PUDP: variants seen among roughly 807,000 people sequenced by gnomAD.
The protein encoded by PUDP is pseudouridine-5'-phosphatase.
In PUDP, 8 loss-of-function variants were observed where a neutral mutation model predicts 9.4. That is an observed-to-expected ratio of 0.85 (90% CI 0.50 to 1.53). The LOEUF (loss-of-function observed/expected upper bound fraction) is 1.53. Among genes scored for constraint, PUDP ranks in the 40% most tolerant of loss-of-function variants. The pLI, the probability that PUDP is intolerant of heterozygous loss-of-function variation, is 0.00. For synonymous variants in PUDP, 99 were observed against 80.7 expected (o/e 1.23, Z -1.22); for missense variants, 188 against 189.7 (o/e 0.99, Z 0.05).
intron 1 of PUDP, among the ~76,000 whole-genome samples, chrX:6,717,297 T>C (rs373822127): frequency 6.3e-5 from 7 of 111,422 alleles, no homozygotes; most frequent in African/African-American, 2.0e-4. Context: ...CGATTGCCCC[T>C]TTATGCACAG....
rs185586856 is a variant in PUDP, at chrX:6,868,960, C to T, written c.*247+108173G>A. 5.4e-5 allele frequency among the ~76,000 whole-genome samples: 6 copies of T among 112,000 alleles called. No individual in the cohort carries two copies. In the Admixed American group the frequency reaches 5.7e-4, roughly 11 times the overall value. On this transcript the variant is annotated intron_variant and NMD_transcript_variant, in intron 3 of 3. Transcript: ENST00000655425. ...CTAATTTCCTGGCAAAGTATTAATT[C>T]CAAACCCAGAGAAGAAGAATTACTA...
intron 3 of PUDP, among the ~76,000 whole-genome samples, chrX:6,905,943 T>C (rs1927760263): frequency 8.9e-6 from 1 of 112,228 alleles, no homozygotes. Context: ...CATTGGAAAT[T>C]TTCCCTCTGG....
chrX:6,892,573 C>A (rs917172952), intron 3 of PUDP, among the ~76,000 whole-genome samples: 6 of 110,764 alleles, frequency 5.4e-5, no homozygotes, highest in Non-Finnish European at 1.1e-4. Flanking sequence ...GATTCAGTTA[C>A]CTCCCACCAG....
At chrX:6,907,847 G>A (rs1422449481) in intron 3 of PUDP, among the ~76,000 whole-genome samples, 1 of 111,713 alleles carries the variant, frequency 9.0e-6, no homozygotes, top group Admixed American at 9.4e-5. Flanking sequence ...AAAGGCAAAG[G>A]GGGCAACATA....
intron 3 of PUDP, among the ~76,000 whole-genome samples, chrX:6,895,968 T>C (rs1032555647): frequency 9.0e-6 from 1 of 110,836 alleles, no homozygotes; most frequent in Non-Finnish European, 1.9e-5. Flanking sequence ...TCCATGAGGC[T>C]CCACTTTCAT....
intron 3 of PUDP, among the ~76,000 whole-genome samples, chrX:6,810,627 C>T (rs944028995): frequency 4.5e-5 from 5 of 111,863 alleles, no homozygotes; most frequent in African/African-American, 1.6e-4. Flanking sequence ...TAGAGGGCAA[C>T]ACCATCTACA....
chrX:6,930,498 T>G (rs189563163), intron 3 of PUDP, among the ~76,000 whole-genome samples: 10 of 111,623 alleles, frequency 9.0e-5, no homozygotes, highest in Non-Finnish European at 1.9e-4. Flanking sequence ...GGCAACGTCC[T>G]GCAGTTACCC....
chrX:7,005,819 C>T (rs1929394766), intron 1 of PUDP, among the ~76,000 whole-genome samples: 2 of 111,230 alleles, frequency 1.8e-5, no homozygotes, highest in Non-Finnish European at 3.8e-5. Context: ...AAATTCATAT[C>T]CATGAACACT....
rs781626590 is a variant in PUDP, at chrX:6,707,609, G to A, written n.129-1143C>T. 4.5e-5 allele frequency among the ~76,000 whole-genome samples: 5 copies of A among 110,848 alleles called. No homozygotes were observed. The East Asian group carries it at 1.1e-3, about 25-fold the overall frequency. Reference sequence around the variant, plus strand: ...GGATGTGCAGTTCACAACAGGGTTCGCACTCCTATGAGACTCTAATGGCAT... The same window carrying A: ...GGATGTGCAGTTCACAACAGGGTTCACACTCCTATGAGACTCTAATGGCAT... On this transcript the variant is annotated intron_variant and non_coding_transcript_variant, in intron 1 of 2. Coordinates refer to the PUDP transcript ENST00000438499.
intron 1 of PUDP, among the ~76,000 whole-genome samples, chrX:7,129,153 GAT>G (rs1932556933): frequency 8.9e-6 from 1 of 111,780 alleles, no homozygotes; most frequent in Non-Finnish European, 1.9e-5. Context: ...GAGGTGCTAG[GAT>G]ATAATTAGTT....
At position 6,975,910 on chromosome X, in the gene PUDP, A is replaced by C. The variant is rs188719341; in HGVS notation, c.*247+1223T>G. Among the ~76,000 whole-genome samples the C allele has an allele frequency of 6.6e-4, 74 of 112,271 alleles. 3 individuals carry two copies. The Admixed American group carries it at 6.8e-3, about 10-fold the overall frequency. On this transcript the variant is annotated intron_variant and NMD_transcript_variant, in intron 3 of 3. Transcript: ENST00000655425. ...TTCAGAGATGCCCTGCCCAGAGAAG[A>C]GGAATCTTGTGAGGCAGTCTGGCTG...
chrX:6,708,876 T>C (rs1296431291), intron 1 of PUDP, among the ~76,000 whole-genome samples: 3 of 111,807 alleles, frequency 2.7e-5, no homozygotes, highest in Non-Finnish European at 5.6e-5. Flanking sequence ...TAAACTGTGC[T>C]GCAATTAGTG....
chrX:6,713,009 T>C (rs759612174), intron 1 of PUDP, among the ~76,000 whole-genome samples: 3 of 111,785 alleles, frequency 2.7e-5, no homozygotes, highest in African/African-American at 9.7e-5. Context: ...ATCGTGCCAC[T>C]GCACTCCAGC....
chrX:6,760,250 A>G (rs1276429096), intron 3 of PUDP, among the ~76,000 whole-genome samples: 1 of 111,436 alleles, frequency 9.0e-6, no homozygotes, highest in East Asian at 2.9e-4. Flanking sequence ...TCTGTCAGCC[A>G]TTCTCTGGGT....
At chrX:6,821,903 A>G (rs1926348089) in intron 3 of PUDP, among the ~76,000 whole-genome samples, 1 of 112,028 alleles carries the variant, frequency 8.9e-6, no homozygotes, top group African/African-American at 3.2e-5. Flanking sequence ...ACCCATCTGC[A>G]TAATAAAAGG....
Position 6,816,751 on chromosome X carries a change from TA to T in PUDP, c.*248-110286del, listed in dbSNP as rs765056100. On this transcript the variant is annotated intron_variant and NMD_transcript_variant, in intron 3 of 3. Coordinates refer to the PUDP transcript ENST00000655425. ...ATATATACACACATAGTATATACGA[TA>T]TAGTATATACAATATATATACACAT... 9.6e-4 allele frequency among the ~76,000 whole-genome samples: 91 copies of T among 95,164 alleles called. 1 individual carries two copies. Among genetic ancestry groups the T allele is most frequent in the Non-Finnish European group, 1.1e-3 (54 of 49,604 alleles). The allele number at this position is 95,164 out of a possible 115,157, so 82.6% of individuals were successfully genotyped here. A position where few individuals can be genotyped will look rare whatever the true frequency, so the allele number is the denominator to read the frequency against.
At chrX:6,796,944 A>G (rs1347898714) in intron 3 of PUDP, among the ~76,000 whole-genome samples, 1 of 112,239 alleles carries the variant, frequency 8.9e-6, no homozygotes, top group Non-Finnish European at 1.9e-5. Context: ...TACATGCCAG[A>G]TGGTATAATT....
At chrX:6,893,622 C>G (rs1927547451) in intron 3 of PUDP, among the ~76,000 whole-genome samples, 1 of 111,432 alleles carries the variant, frequency 9.0e-6, no homozygotes, top group Non-Finnish European at 1.9e-5. Flanking sequence ...AAGATGATTC[C>G]CTAGGATGAA....
chrX:7,039,007 G>T (rs1929888143), intron 1 of PUDP, among the ~76,000 whole-genome samples: 1 of 111,233 alleles, frequency 9.0e-6, no homozygotes, highest in Non-Finnish European at 1.9e-5. Flanking sequence ...ATAGCTCACT[G>T]CAGCCTTGAA....
Sources: allele counts gnomAD v4.1 joint callset (sites outside exome capture counted in the v4.1 genomes callset), GRCh38; gene constraint gnomAD v4.1.1; transcripts MANE v1.5; gene names NCBI Gene and HGNC (gene_info 2026-07-23, HGNC 2026-07-21).